The following CADPS2 variants were observed in gnomAD, a reference collection of about 807,000 sequenced individuals.
CADPS2 encodes the protein calcium dependent secretion activator 2.
CADPS2 carries 93 observed loss-of-function variants against 172.5 expected under a neutral mutation model. The observed-to-expected ratio is 0.54, with a 90% CI of 0.46 to 0.64. The LOEUF (loss-of-function observed/expected upper bound fraction) is 0.64, where lower values mean the gene tolerates loss of function less well. CADPS2 is among the 30% of genes least tolerant of loss of function. The pLI, the probability that CADPS2 is intolerant of heterozygous loss-of-function variation, is 0.00. For synonymous variants in CADPS2, 546 were observed against 555.2 expected (o/e 0.98, Z 0.23); for missense variants, 1,420 against 1,565.9 (o/e 0.91, Z 1.57).
intron 9 of CADPS2, among the ~76,000 whole-genome samples, chr7:122,493,151 T>C (rs1469108279): frequency 6.6e-6 from 1 of 152,076 alleles, no homozygotes; most frequent in Non-Finnish European, 1.5e-5. Flanking sequence ...AAAACATATA[T>C]TCAATCAATA....
intron 7 of CADPS2, among the ~76,000 whole-genome samples, chr7:122,575,069 C>A (rs975087740): frequency 6.6e-6 from 1 of 151,676 alleles, no homozygotes; most frequent in African/African-American, 2.4e-5. Flanking sequence ...TAAAACCAGT[C>A]ATGAAAAAAA....
At chr7:122,831,623 T>C (rs916204005) in intron 1 of CADPS2, among the ~76,000 whole-genome samples, 6 of 152,312 alleles carry the variant, frequency 3.9e-5, no homozygotes, top group African/African-American at 1.2e-4. Flanking sequence ...CGCCTGAACC[T>C]CACTTCTAGC....
intron 1 of CADPS2, among the ~76,000 whole-genome samples, chr7:122,753,694 C>T (rs1384693803): frequency 6.6e-6 from 1 of 152,162 alleles, no homozygotes; most frequent in Non-Finnish European, 1.5e-5. Context: ...TAAAACAGTA[C>T]ACTTTAGCCA....
intron 1 of CADPS2, among the ~76,000 whole-genome samples, chr7:122,783,558 T>C (rs1020159092): frequency 6.6e-6 from 1 of 152,308 alleles, no homozygotes; most frequent in East Asian, 1.9e-4. Context: ...CACACAGATA[T>C]TCTGTTTTGC....
chr7:122,873,142 T>C (rs1425834546), intron 1 of CADPS2, among the ~76,000 whole-genome samples: 1 of 152,126 alleles, frequency 6.6e-6, no homozygotes, highest in Non-Finnish European at 1.5e-5. Flanking sequence ...TTTCCAGATA[T>C]ATATTTTTTA....
chr7:122,325,276 C>G (rs946317285), intron 29 of CADPS2, among the ~76,000 whole-genome samples: 3 of 152,062 alleles, frequency 2.0e-5, no homozygotes. Flanking sequence ...TATTTGCTAG[C>G]AAATTTTTTT....
intron 1 of CADPS2, among the ~76,000 whole-genome samples, chr7:122,869,223 T>C (rs937280943): frequency 3.9e-5 from 6 of 152,036 alleles, no homozygotes; most frequent in African/African-American, 9.7e-5. Flanking sequence ...CCTAATATGA[T>C]GAATCCAGAG....
intron 1 of CADPS2, among the ~76,000 whole-genome samples, chr7:122,813,108 G>C (rs1478268636): frequency 6.6e-6 from 1 of 151,932 alleles, no homozygotes; most frequent in African/African-American, 2.4e-5. Flanking sequence ...TTTCAAAGCA[G>C]CACAGGTACG....
chr7:122,709,917 G>T (rs544331959), intron 2 of CADPS2, among the ~76,000 whole-genome samples: 1 of 151,994 alleles, frequency 6.6e-6, no homozygotes, highest in South Asian at 2.1e-4. Context: ...TGGGGTTGGG[G>T]GAGAGGGAAG....
chr7:122,626,116 C>T (rs1002788282), intron 4 of CADPS2, among the ~76,000 whole-genome samples: 1 of 152,120 alleles, frequency 6.6e-6, no homozygotes, highest in African/African-American at 2.4e-5. Flanking sequence ...AAGACCAGAT[C>T]ACACAGGACT....
chr7:122,579,311 C>T (rs546741907), intron 7 of CADPS2, among the ~76,000 whole-genome samples: 3 of 151,560 alleles, frequency 2.0e-5, no homozygotes, highest in Non-Finnish European at 4.4e-5. Context: ...CAAAAAAGCA[C>T]CTGCCAACAA....
At chr7:122,426,261 T>C (rs1563308561) in intron 17 of CADPS2, 1 of 152,224 alleles carries the variant, frequency 6.6e-6, no homozygotes, top group Non-Finnish European at 1.5e-5. Context: ...TAGGGCATGC[T>C]AAGATTTAGA....
At chr7:122,457,458 A>G (rs1369381004) in intron 14 of CADPS2, among the ~76,000 whole-genome samples, 1 of 152,158 alleles carries the variant, frequency 6.6e-6, no homozygotes, top group African/African-American at 2.4e-5. Flanking sequence ...GGCTGTCAAC[A>G]TTTTCCAAAA....
intron 1 of CADPS2, among the ~76,000 whole-genome samples, chr7:122,866,179 T>C (rs1273412078): frequency 6.6e-6 from 1 of 152,246 alleles, no homozygotes; most frequent in Non-Finnish European, 1.5e-5. Flanking sequence ...TTTAACCATG[T>C]TATAATCTCA....
At chr7:122,713,507 C>G (rs2089101778) in intron 2 of CADPS2, among the ~76,000 whole-genome samples, 1 of 152,004 alleles carries the variant, frequency 6.6e-6, no homozygotes, top group South Asian at 2.1e-4. Context: ...ACTGCCAGCA[C>G]CCATCATATT....
At chr7:122,822,235 T>A (rs1395943045) in intron 1 of CADPS2, among the ~76,000 whole-genome samples, 1 of 151,916 alleles carries the variant, frequency 6.6e-6, no homozygotes, top group African/African-American at 2.4e-5. Context: ...TTCTTAGACC[T>A]TTTATACCTG....
chr7:122,710,325 G>A lies in CADPS2; in HGVS notation c.453+26630C>T, dbSNP rs144150414. ...TATATAATTTAATCCCTCCCGTGAA[G>A]GAGCAGAGAAAAACGATGACAACAA... On this transcript the variant is annotated intron_variant, in intron 2 of 29. Transcript: ENST00000449022. Among the ~76,000 whole-genome samples, 19 of 152,164 alleles carry A rather than the reference G, an allele frequency of 1.2e-4. No homozygotes were observed. The East Asian group carries it at 3.1e-3, about 25-fold the overall frequency.
intron 1 of CADPS2, among the ~76,000 whole-genome samples, chr7:122,774,633 C>T (rs766037594): frequency 1.3e-5 from 2 of 152,138 alleles, no homozygotes; most frequent in Non-Finnish European, 2.9e-5. Context: ...TCTAATTTCA[C>T]ATCTGATATG....
At chr7:122,394,136 T>C (rs2044754989) in intron 20 of CADPS2, among the ~76,000 whole-genome samples, 1 of 152,232 alleles carries the variant, frequency 6.6e-6, no homozygotes, top group Admixed American at 6.5e-5. Context: ...AGTCATTCAA[T>C]TTTGCATATC....
Sources: gnomAD v4.1 joint callset for allele counts (sites outside exome capture counted in the v4.1 genomes callset) on GRCh38, gnomAD v4.1.1 for gene constraint, MANE v1.5 for transcripts, NCBI Gene and HGNC (gene_info 2026-07-23, HGNC 2026-07-21) for gene names.